The following KIF7 variants were observed in gnomAD, a reference collection of about 807,000 sequenced individuals.
KIF7 encodes the protein kinesin family member 7, also known as kinesin-like protein KIF7.
KIF7 carries 104 observed loss-of-function variants against 135.7 expected under a neutral mutation model. The observed-to-expected ratio is 0.77, with a 90% CI of 0.65 to 0.90. The LOEUF is 0.90. Among genes scored for constraint, KIF7 ranks in the 40% least tolerant of loss-of-function variants. The pLI, the probability that KIF7 is intolerant of heterozygous loss-of-function variation, is 0.00. For synonymous variants in KIF7, 883 were observed against 809.4 expected (o/e 1.09, Z -1.54); for missense variants, 2,005 against 1,839.1 (o/e 1.09, Z -1.65).
At position 89,628,370 on chromosome 15, in the gene KIF7, T is replaced by C. The variant is rs1963578780; in HGVS notation, c.*49A>G. The C allele has an allele frequency of 1.3e-6, 2 of 1,553,562 alleles. No homozygotes were observed. The highest frequency in any genetic ancestry group is 1.4e-5 in the African/African-American group (1 of 72,926). ...CAGAAGCAAAACAGGCAGCTGCCCC[T>C]TTCAGCAGGCTCGGAGTCTCCCTCC... On this transcript the variant is annotated 3_prime_UTR_variant, in exon 19 of 19. Transcript: ENST00000394412.
At position 89,650,334 on chromosome 15, in the gene KIF7, C is replaced by G. The variant is rs541036442; in HGVS notation, c.329-393G>C. Among the ~76,000 whole-genome samples the G allele has an allele frequency of 3.9e-5, 6 of 152,328 alleles. No homozygotes were observed. The South Asian group carries it at 1.0e-3, about 26-fold the overall frequency. On this transcript the variant is annotated intron_variant, in intron 2 of 18. Transcript: ENST00000394412. ...TTCAGAGCAGCACTCTTCCTCATGACTTCAAAAAATGCAAACATCCTAAGT... is the reference window on the plus strand; with the variant it reads ...TTCAGAGCAGCACTCTTCCTCATGAGTTCAAAAAATGCAAACATCCTAAGT...
chr15:89,643,187 G>A (rs1337596062), intron 10 of KIF7, among the ~76,000 whole-genome samples: 9 of 152,142 alleles, frequency 5.9e-5, no homozygotes, highest in African/African-American at 2.2e-4. Flanking sequence ...ACACCCATGG[G>A]TTCAACCAAC....
chr15:89,630,290 G>T lies in KIF7; in HGVS notation c.3315C>A (p.Asp1105Glu), dbSNP rs530364548. Residue 1105 changes from aspartate (D) to glutamate (E), a missense_variant, in exon 16 of 19, where the codon GAC (aspartate) becomes GAA (glutamate). Physicochemically the swap from Asp to Glu is conservative, Grantham distance 45. Transcript: ENST00000394412. ...GGGCCATGGGCTGCTGGCCCACCTT[G>T]TCAAAATACTTGCAGAGGAGGGCTC... ...ETRALLCKYF[D>E]KVVTLREEQH... is the part of the protein sequence containing the mutation. 1 of 1,614,036 alleles carries T rather than the reference G, an allele frequency of 6.2e-7. No individual in the cohort carries two copies. Among genetic ancestry groups the T allele is most frequent in the African/African-American group, 1.3e-5 (1 of 75,050 alleles).
At position 89,649,752 on chromosome 15, in the gene KIF7, C is replaced by G; in HGVS notation, c.518G>C (p.Arg173Pro). ...SRDIQLREDERGNVVLCGVKE... is the reference protein window; with the variant it reads ...SRDIQLREDEPGNVVLCGVKE... Reference sequence around the variant, plus strand: ...CCAGAGTTCCTCACCAACATTCCCGCGCTCATCTTCCCGGAGCTGGATGTC... The same window carrying G: ...CCAGAGTTCCTCACCAACATTCCCGGGCTCATCTTCCCGGAGCTGGATGTC... The change falls in exon 3 of 19, where the codon CGC (arginine) becomes CCC (proline). Residue 173 changes from arginine (R) to proline (P), a missense_variant. Coordinates refer to ENST00000394412, the MANE Select transcript of KIF7 (RefSeq NM_198525.3). The G allele has an allele frequency of 6.4e-7, 1 of 1,551,870 alleles. No homozygotes were observed. Among genetic ancestry groups the G allele is most frequent in the Non-Finnish European group, 8.7e-7 (1 of 1,147,024 alleles).
chr15:89,638,276 T>TA (rs1350136942), intron 11 of KIF7, among the ~76,000 whole-genome samples: 9 of 122,464 alleles, frequency 7.3e-5, no homozygotes, highest in Non-Finnish European at 1.4e-4. Flanking sequence ...CTATTCAACA[T>TA]AGTGTTGGAA....
intron 16 of KIF7, 121 bp downstream of exon 16, chr15:89,630,162 AGTTG>A: frequency 1.1e-6 from 1 of 870,278 alleles, no homozygotes; most frequent in Non-Finnish European, 1.8e-6. Flanking sequence ...CCTGCAGATG[AGTTG>A]GTCCTGATTC....
At chr15:89,638,747 C>T (rs1963861708) in intron 11 of KIF7, among the ~76,000 whole-genome samples, 1 of 151,746 alleles carries the variant, frequency 6.6e-6, no homozygotes. Flanking sequence ...TCAATGCCAT[C>T]CCCATCAAGC....
chr15:89,618,306 T>C (rs1220634604), intron 1 of KIF7: 2 of 1,160,068 alleles, frequency 1.7e-6, no homozygotes, highest in African/African-American at 1.5e-5. Flanking sequence ...TAAGATATTT[T>C]ACAGAAATTG....
intron 12 of KIF7, 92 bp downstream of exon 12, chr15:89,633,594 G>C: frequency 2.2e-6 from 3 of 1,371,816 alleles, no homozygotes; most frequent in Non-Finnish European, 3.0e-6. Flanking sequence ...ACGTGGCTGT[G>C]GGTTGCAAAC....
chr15:89,650,958 G>T (rs1433467569), intron 2 of KIF7, among the ~76,000 whole-genome samples: 1 of 152,088 alleles, frequency 6.6e-6, no homozygotes, highest in Non-Finnish European at 1.5e-5. Context: ...TTTTGAAATG[G>T]CATCTCACTG....
At chr15:89,630,679 C>T in intron 15 of KIF7, 186 bp from the exon 16 acceptor site, 2 of 652,606 alleles carry the variant, frequency 3.1e-6, no homozygotes, top group Admixed American at 2.2e-5. Flanking sequence ...CCAGGGTGAG[C>T]TGGGGGCACT....
At chr15:89,633,028 T>C in intron 13 of KIF7, 32 bp from the exon 14 acceptor site, 2 of 1,025,154 alleles carry the variant, frequency 2.0e-6, no homozygotes, top group Non-Finnish European at 2.7e-6. Flanking sequence ...GGGAGGGAAC[T>C]CAGGGCCCAC....
downstream of KIF7, chr15:89,626,900 T>C (rs1963537997): frequency 1.9e-6 from 3 of 1,583,422 alleles, no homozygotes; most frequent in Non-Finnish European, 2.6e-6. Context: ...AAGCCAATTT[T>C]TTTCAGTTCG....
chr15:89,641,231 G>C (rs1319609541), intron 11 of KIF7, among the ~76,000 whole-genome samples: 1 of 152,036 alleles, frequency 6.6e-6, no homozygotes, highest in African/African-American at 2.4e-5. Context: ...GCTACAAGCA[G>C]GGGAAAGGCC....
In KIF7 at chr15:89,633,801, C is replaced by T. The variant is rs148044329; in HGVS notation, c.2477G>A (p.Arg826Gln). 158 of 1,612,560 alleles carry T rather than the reference C, an allele frequency of 9.8e-5. No individual in the cohort carries two copies. The highest frequency in any genetic ancestry group is 3.9e-4 in the African/African-American group (29 of 75,070). The change falls in exon 12 of 19, where the codon CGG becomes CAG. Residue 826 changes from arginine to glutamine, a missense_variant. Arg to Gln is a conservative substitution (Grantham distance 43). Coordinates refer to ENST00000394412, the MANE Select transcript of KIF7 (RefSeq NM_198525.3). Reference sequence around the variant, plus strand: ...CTGCTGCCGCATGAGCTGCACGTTCCGCTCGAGCTCCTGCAGTCGCTTCTC... The same window carrying T: ...CTGCTGCCGCATGAGCTGCACGTTCTGCTCGAGCTCCTGCAGTCGCTTCTC... ...QSEKRLQELE[R>Q]NVQLMRQQQG... is the part of the protein sequence containing the mutation.
At chr15:89,633,597 T>C (rs530913537) in intron 12 of KIF7, 89 bp downstream of exon 12, 4 of 1,428,798 alleles carry the variant, frequency 2.8e-6, no homozygotes, top group African/African-American at 1.4e-5. Context: ...TGGCTGTGGG[T>C]TGCAAACCCT....
At position 89,648,768 on chromosome 15, in the gene KIF7, G is replaced by A. The variant is rs1964068420; in HGVS notation, c.930C>T (p.Leu310=). ...PYRDSKITRI[L]KDSLGGNAKT... ...TGGCGTTCCCGCCCAGCGAGTCTTTGAGGATCCTGAGGGCGCGAGGGGGAG... is the reference window on the plus strand; with the variant it reads ...TGGCGTTCCCGCCCAGCGAGTCTTTAAGGATCCTGAGGGCGCGAGGGGGAG... Residue 310 remains leucine, a synonymous_variant, in exon 5 of 19, where the codon CTC becomes CTT. Coordinates refer to ENST00000394412, the MANE Select transcript of KIF7 (RefSeq NM_198525.3). The A allele has an allele frequency of 2.0e-6, 3 of 1,533,230 alleles. No homozygotes were observed. Among genetic ancestry groups the A allele is most frequent in the Non-Finnish European group, 2.6e-6 (3 of 1,144,070 alleles). 95.0% of individuals were successfully genotyped at this position (1,533,230 alleles called of 1,614,324 possible).
intron 11 of KIF7, among the ~76,000 whole-genome samples, chr15:89,640,151 G>T (rs1388610392): frequency 6.6e-6 from 1 of 151,738 alleles, no homozygotes; most frequent in African/African-American, 2.4e-5. Context: ...GTGGGGTGGG[G>T]GGAGTGGGGA....
intron 7 of KIF7, among the ~76,000 whole-genome samples, chr15:89,646,462 G>T (rs1344693818): frequency 6.6e-6 from 1 of 152,168 alleles, no homozygotes; most frequent in Non-Finnish European, 1.5e-5. Flanking sequence ...ACGTGGAAAA[G>T]TGAACTTGCA....
Sources: gnomAD v4.1 joint callset for allele counts (sites outside exome capture counted in the v4.1 genomes callset) on GRCh38, gnomAD v4.1.1 for gene constraint, MANE v1.5 for transcripts, NCBI Gene and HGNC (gene_info 2026-07-23, HGNC 2026-07-21) for gene names.